The following NOL11 variants were observed in gnomAD, a reference collection of about 807,000 sequenced individuals.
NOL11 encodes the protein nucleolar protein 11.
NOL11 carries 42 observed loss-of-function variants against 93.0 expected under a neutral mutation model. That is an observed-to-expected ratio of 0.45 (90% CI 0.35 to 0.58). The LOEUF is 0.58. NOL11 is among the 20% of genes least tolerant of loss of function. The pLI is 0.00. For synonymous variants in NOL11, 296 were observed against 293.7 expected, an observed-to-expected ratio of 1.01 and a Z score of -0.08; for missense variants, 775 against 841.8, an observed-to-expected ratio of 0.92 and a Z score of 0.98.
At chr17:67,734,884 A>G (rs1401474225) in intron 8 of NOL11, among the ~76,000 whole-genome samples, 1 of 152,182 alleles carries the variant, frequency 6.6e-6, no homozygotes, top group Non-Finnish European at 1.5e-5. Context: ...TACCTGAGGG[A>G]TTATGTTTAG....
At chr17:67,742,304 GA>G (rs1228300180) in intron 16 of NOL11, among the ~76,000 whole-genome samples, 3 of 152,152 alleles carry the variant, frequency 2.0e-5, no homozygotes, top group African/African-American at 2.4e-5. Context: ...ATGAGAGAAG[GA>G]AACCGTCTCT....
chr17:67,727,177 C>T (rs1388488836), intron 7 of NOL11: 1 of 152,972 alleles, frequency 6.5e-6, no homozygotes, highest in Non-Finnish European at 1.5e-5. Flanking sequence ...TAGCAGACCC[C>T]AGCCTTCACT....
chr17:67,723,370 ATTTTTTTTTTTTTTTTTTTTTTTT>A (rs568396700), intron 5 of NOL11, among the ~76,000 whole-genome samples: 3 of 60,704 alleles, frequency 4.9e-5, no homozygotes, highest in African/African-American at 6.4e-5. Flanking sequence ...AAGATCTCTA[ATTTTTTTTTTTTTTTTTTTTTTTT>A]TTTTTTTTTT....
chr17:67,731,596 A>C (rs1488610919), intron 7 of NOL11, among the ~76,000 whole-genome samples: 3 of 152,240 alleles, frequency 2.0e-5, no homozygotes, highest in Admixed American at 1.3e-4. Flanking sequence ...CACATCCAAG[A>C]ACCCATGGCC....
At chr17:67,720,692 A>G (rs2043211887) in intron 3 of NOL11, among the ~76,000 whole-genome samples, 1 of 152,220 alleles carries the variant, frequency 6.6e-6, no homozygotes, top group Non-Finnish European at 1.5e-5. Flanking sequence ...GATGACCTAG[A>G]GTGTGTTCAT....
chr17:67,743,674 C>A, intron 17 of NOL11, 69 bp from the exon 18 acceptor site: 3 of 1,187,858 alleles, frequency 2.5e-6, no homozygotes, highest in South Asian at 1.5e-5. Context: ...CCTTAAATAA[C>A]TTACTCATGG....
chr17:67,737,548 T>G lies in NOL11; in HGVS notation c.1259T>G (p.Phe420Cys), dbSNP rs768327714. Residue 420 changes from phenylalanine (F) to cysteine (C), a missense_variant, in exon 12 of 18, where the codon TTT becomes TGT. By Grantham distance (205) the Phe-to-Cys change is radical. Coordinates refer to ENST00000253247, the MANE Select transcript of NOL11 (RefSeq NM_015462.5). ...CACATTGAAGTAGAAGTACGGAAAT[T>G]TTTGGCTCTGAAGCAGACACCTGAC... ...EKHIEVEVRK[F>C]LALKQTPDFH... 2 of 1,608,206 alleles carry G rather than the reference T, an allele frequency of 1.2e-6. No individual in the cohort carries two copies. The highest frequency in any genetic ancestry group is 2.2e-5 in the South Asian group (2 of 89,684).
chr17:67,730,474 A>T (rs1351256378), intron 7 of NOL11, among the ~76,000 whole-genome samples: 3 of 151,914 alleles, frequency 2.0e-5, no homozygotes, highest in African/African-American at 7.3e-5. Context: ...CTTAGCCAGG[A>T]TGGTCTCAAT....
At chr17:67,720,862 C>T (rs1054062482) in intron 3 of NOL11, among the ~76,000 whole-genome samples, 1 of 152,246 alleles carries the variant, frequency 6.6e-6, no homozygotes, top group Non-Finnish European at 1.5e-5. Context: ...AAACTTCTAG[C>T]TAGCTAGCTG....
chr17:67,736,903 A>G, intron 10 of NOL11, 149 bp downstream of exon 10: 3 of 738,454 alleles, frequency 4.1e-6, no homozygotes, highest in Non-Finnish European at 6.7e-6. Flanking sequence ...GTAACCTCAC[A>G]TTCTTTATCC....
chr17:67,722,660 G>T (rs749617733), intron 5 of NOL11, 23 bp downstream of exon 5: 6 of 1,529,304 alleles, frequency 3.9e-6, no homozygotes, highest in South Asian at 1.3e-5. Flanking sequence ...TTCAATTCCT[G>T]GCCCATTTTG....
chr17:67,735,853 TAGAAG>T, intron 8 of NOL11, 42 bp from the exon 9 acceptor site: 1 of 1,550,106 alleles, frequency 6.5e-7, no homozygotes, highest in East Asian at 2.3e-5. Flanking sequence ...AGTCATACCT[TAGAAG>T]AGAAAAAAAT....
intron 7 of NOL11, among the ~76,000 whole-genome samples, chr17:67,730,070 G>A (rs547196266): frequency 6.6e-6 from 1 of 152,202 alleles, no homozygotes; most frequent in African/African-American, 2.4e-5. Flanking sequence ...CATCTACCTC[G>A]TTGCATGTAT....
At chr17:67,721,669 A>G (rs2143080049) in intron 4 of NOL11, 143 bp downstream of exon 4, 1 of 680,310 alleles carries the variant, frequency 1.5e-6, no homozygotes, top group East Asian at 2.8e-5. Context: ...CTAAAACAAC[A>G]TCCTAAAAAG....
At chr17:67,725,248 A>G (rs117842577) in intron 6 of NOL11, among the ~76,000 whole-genome samples, 1 of 152,322 alleles carries the variant, frequency 6.6e-6, no homozygotes, top group Non-Finnish European at 1.5e-5. Flanking sequence ...TAGATTTAGT[A>G]TGCCCTTCCT....
chr17:67,725,632 G>A (rs2055084564), intron 6 of NOL11, among the ~76,000 whole-genome samples: 1 of 152,176 alleles, frequency 6.6e-6, no homozygotes, highest in Non-Finnish European at 1.5e-5. Flanking sequence ...TGTACTTAAT[G>A]TTTAGCTTAA....
chr17:67,728,567 A>G (rs1207977485), intron 7 of NOL11, among the ~76,000 whole-genome samples: 1 of 150,412 alleles, frequency 6.6e-6, no homozygotes, highest in Non-Finnish European at 1.5e-5. Flanking sequence ...TTTCTGCTCT[A>G]CCTCCCTGCC....
Position 67,718,127 on chromosome 17 carries a change from T to C in NOL11, c.141+39T>C, listed in dbSNP as rs775958534. ...GTTTGGGAGCGCCCCGACTGCCTTC[T>C]CGCCCCTTTCTGAGCGCGGAGCTCG... On this transcript the variant is annotated intron_variant, in intron 1 of 17. Coordinates refer to ENST00000253247, the MANE Select transcript of NOL11 (RefSeq NM_015462.5). The C allele has an allele frequency of 2.5e-6, 4 of 1,594,472 alleles. No homozygotes were observed. The Admixed American group carries it at 7.0e-5, about 28-fold the overall frequency.
At chr17:67,735,457 CT>C (rs959964254) in intron 8 of NOL11, among the ~76,000 whole-genome samples, 8 of 151,538 alleles carry the variant, frequency 5.3e-5, no homozygotes, top group Non-Finnish European at 8.8e-5. Context: ...TTATTACAAA[CT>C]TTTTTTTATT....
Sources: allele counts gnomAD v4.1 joint callset (sites outside exome capture counted in the v4.1 genomes callset), GRCh38; gene constraint gnomAD v4.1.1; transcripts MANE v1.5; gene names NCBI Gene and HGNC (gene_info 2026-07-23, HGNC 2026-07-21).